ARHGEF37: variants seen among roughly 807,000 people sequenced by gnomAD.
ARHGEF37 encodes Rho guanine nucleotide exchange factor (GEF) 37.
A neutral mutation model predicts 71.1 loss-of-function variants in ARHGEF37; 55 were observed. The ratio of observed to expected loss-of-function variants is 0.77; its 90% CI spans 0.62 to 0.97. The LOEUF (loss-of-function observed/expected upper bound fraction) is 0.97. Ranked by LOEUF, ARHGEF37 falls within the 50% of genes least tolerant of loss-of-function variation. The probability of loss-of-function intolerance (pLI) is 0.00; values close to 1 mark genes in which losing one functional copy is unlikely to be tolerated. For synonymous variants in ARHGEF37, 327 were observed against 350.6 expected, an observed-to-expected ratio of 0.93 and a Z score of 0.75; for missense variants, 765 against 836.8, an observed-to-expected ratio of 0.91 and a Z score of 1.06.
chr5:149,614,532 T>A (rs564651320), intron 4 of ARHGEF37, among the ~76,000 whole-genome samples: 1 of 152,310 alleles, frequency 6.6e-6, no homozygotes, highest in South Asian at 2.1e-4. Flanking sequence ...TACGCGGTCA[T>A]CTCTTCCAGG....
rs1162695621 is a variant in ARHGEF37 at position 149,632,034 on chromosome 5, AG to A, written c.1873del (p.Ala625GlnfsTer5). 6.2e-7 allele frequency: 1 copy of A among 1,614,240 alleles called. No individual in the cohort carries two copies. The highest frequency in any genetic ancestry group is 1.7e-5 in the Admixed American group (1 of 60,034). On this transcript the variant is annotated frameshift_variant, in exon 13 of 13. Coordinates refer to ENST00000333677, the MANE Select transcript of ARHGEF37 (RefSeq NM_001001669.3). LOFTEE classifies it high-confidence loss of function. ...AGAAGCAGCCATGAAGTGAGCCTGC[AG>A]GCAGGCCAGCCTGTGACCATCCTGG... ...VARSSHEVSL[Q>X]AGQPVTILEA... is the part of the protein sequence containing the mutation.
intron 1 of ARHGEF37, among the ~76,000 whole-genome samples, chr5:149,559,283 T>C (rs1762798693): frequency 1.3e-5 from 2 of 152,186 alleles, no homozygotes; most frequent in South Asian, 4.1e-4. Flanking sequence ...ATCACACCAC[T>C]GCACTCCAGC....
intron 2 of ARHGEF37, among the ~76,000 whole-genome samples, chr5:149,599,434 C>CTTATTTATTTATTTATTTAGTTATTTAT (rs1763688131): frequency 6.8e-6 from 1 of 147,814 alleles, no homozygotes. Flanking sequence ...CCAAGGCAAA[C>CTTATTTATTTATTTATTTAGTTATTTAT]TTATTTATTT....
At chr5:149,568,275 C>G (rs1352095783) in intron 1 of ARHGEF37, among the ~76,000 whole-genome samples, 1 of 152,104 alleles carries the variant, frequency 6.6e-6, no homozygotes, top group Non-Finnish European at 1.5e-5. Context: ...AGTACTCCTG[C>G]CTTGGCCTCC....
chr5:149,575,103 T>C (rs1291745506), intron 1 of ARHGEF37, among the ~76,000 whole-genome samples: 1 of 152,244 alleles, frequency 6.6e-6, no homozygotes, highest in Non-Finnish European at 1.5e-5. Flanking sequence ...TGGTGCCTGC[T>C]TATGTCTCCA....
chr5:149,554,282 A>G (rs1762723807), intron 1 of ARHGEF37, among the ~76,000 whole-genome samples: 1 of 152,168 alleles, frequency 6.6e-6, no homozygotes, highest in Non-Finnish European at 1.5e-5. Context: ...GTGAGCTATG[A>G]TCAAACCACA....
intron 1 of ARHGEF37, among the ~76,000 whole-genome samples, chr5:149,564,133 A>C (rs779700898): frequency 6.6e-5 from 10 of 151,708 alleles, no homozygotes; most frequent in Non-Finnish European, 1.3e-4. Flanking sequence ...TTATATTTTT[A>C]GTAGAGATGG....
intron 6 of ARHGEF37, 97 bp downstream of exon 6, chr5:149,618,403 T>C (rs1259975767): frequency 1.3e-6 from 2 of 1,535,894 alleles, no homozygotes; most frequent in Admixed American, 3.9e-5. Context: ...CTTTCAGAAC[T>C]GAGGCAATGG....
intron 1 of ARHGEF37, among the ~76,000 whole-genome samples, chr5:149,564,015 CG>C (rs1762868963): frequency 1.4e-5 from 2 of 141,472 alleles, no homozygotes; most frequent in Admixed American, 7.5e-5. Context: ...TGCAGTGGCG[CG>C]ATCTTGGCTC....
Position 149,624,059 on chromosome 5 carries a change from G to C in ARHGEF37, c.1383G>C (p.Glu461Asp), listed in dbSNP as rs375127384. 119 of 1,610,070 alleles carry C rather than the reference G, an allele frequency of 7.4e-5. No homozygotes were observed. The highest frequency in any genetic ancestry group is 9.8e-5 in the Non-Finnish European group (115 of 1,176,710). ...VPEPAFRKLV[E>D]DALGRTSNQL... The stretch of plus-strand genomic sequence containing the variant: ...AGCCTGCCTTCAGGAAGCTGGTGGA[G>C]GACGCACTGGGCCGGACGAGTAACC... The change falls in exon 10 of 13, where the codon GAG becomes GAC. Residue 461 changes from glutamate to aspartate, a missense_variant. Transcript: ENST00000333677.
chr5:149,586,315 G>T (rs1446941473), intron 1 of ARHGEF37, among the ~76,000 whole-genome samples: 2 of 152,188 alleles, frequency 1.3e-5, no homozygotes, highest in Admixed American at 6.5e-5. Context: ...CTCAGGTTGT[G>T]CAGTGGCACA....
intron 1 of ARHGEF37, among the ~76,000 whole-genome samples, chr5:149,593,229 A>G (rs939822737): frequency 2.0e-5 from 3 of 152,228 alleles, no homozygotes; most frequent in Non-Finnish European, 4.4e-5. Context: ...AGTTTCTAGT[A>G]TATTCACAGA....
At chr5:149,568,964 T>C (rs1762931171) in intron 1 of ARHGEF37, among the ~76,000 whole-genome samples, 1 of 152,180 alleles carries the variant, frequency 6.6e-6, no homozygotes, top group Non-Finnish European at 1.5e-5. Context: ...CTAAAAAATG[T>C]GTATGTATAT....
intron 1 of ARHGEF37, among the ~76,000 whole-genome samples, chr5:149,575,917 G>A (rs1411336549): frequency 6.6e-6 from 1 of 151,608 alleles, no homozygotes; most frequent in Non-Finnish European, 1.5e-5. Flanking sequence ...AGCTGGGCGT[G>A]TTGGCACCTG....
At chr5:149,607,639 T>A (rs1009321027) in intron 3 of ARHGEF37, among the ~76,000 whole-genome samples, 2 of 152,104 alleles carry the variant, frequency 1.3e-5, no homozygotes, top group African/African-American at 4.8e-5. Flanking sequence ...GGTGGGATTA[T>A]CATTGGTTCT....
At chr5:149,630,301 A>G (rs1752841614) in intron 12 of ARHGEF37, among the ~76,000 whole-genome samples, 1 of 152,114 alleles carries the variant, frequency 6.6e-6, no homozygotes, top group Non-Finnish European at 1.5e-5. Flanking sequence ...ATGGGATGAG[A>G]CAGTAAAGCT....
At position 149,596,728 on chromosome 5, in the gene ARHGEF37, A is replaced by T. The variant is rs920429533; in HGVS notation, c.-11-1031A>T. Among the ~76,000 whole-genome samples, 3 of 152,132 alleles carry T rather than the reference A, an allele frequency of 2.0e-5. No individual in the cohort carries two copies. In the East Asian group the frequency reaches 5.8e-4, roughly 29 times the overall value. ...GCCTTAGAGAAGTGAATGCTGGGGG[A>T]TAGGAACACAGGAGGGGGCATGGCA... On this transcript the variant is annotated intron_variant, in intron 1 of 12. Coordinates refer to ENST00000333677, the MANE Select transcript of ARHGEF37 (RefSeq NM_001001669.3).
At position 149,634,721 on chromosome 5, in the gene ARHGEF37, G is replaced by T. The variant is rs1752982669; in HGVS notation, c.*2530G>T. 1 of 152,584 alleles carries T rather than the reference G, an allele frequency of 6.6e-6. No homozygotes were observed. Among genetic ancestry groups the T allele is most frequent in the Non-Finnish European group, 1.5e-5 (1 of 68,042 alleles). The allele number at this position is 152,584 out of a possible 1,614,324, so 9.5% of individuals were successfully genotyped here. A position where few individuals can be genotyped will look rare whatever the true frequency, so the allele number is the denominator to read the frequency against. ...CGTTGGGCTGTCTCATACTAAACTT[G>T]CAAAGATATTTGCCTATGAACTGAA... On this transcript the variant is annotated 3_prime_UTR_variant, in exon 13 of 13. Transcript: ENST00000333677.
chr5:149,556,319 G>C (rs929907954), intron 1 of ARHGEF37, among the ~76,000 whole-genome samples: 4 of 152,018 alleles, frequency 2.6e-5, no homozygotes, highest in Non-Finnish European at 4.4e-5. Context: ...TCAGCCTCTT[G>C]AGTGGCTGGG....
Sources: allele counts gnomAD v4.1 joint callset (sites outside exome capture counted in the v4.1 genomes callset), GRCh38; gene constraint gnomAD v4.1.1; transcripts MANE v1.5; gene names NCBI Gene and HGNC (gene_info 2026-07-23, HGNC 2026-07-21).